The following EDNRB variants were observed in gnomAD, a reference collection of about 807,000 sequenced individuals.
EDNRB encodes endothelin receptor type B.
A neutral mutation model predicts 46.4 loss-of-function variants in EDNRB; 18 were observed. The observed-to-expected ratio is 0.39, with a 90% CI of 0.27 to 0.57. EDNRB has a LOEUF of 0.57. Among genes scored for constraint, EDNRB ranks in the 20% least tolerant of loss-of-function variants. EDNRB has a pLI of 0.61. For synonymous variants in EDNRB, 213 were observed against 204.9 expected (o/e 1.04, Z -0.34); for missense variants, 434 against 537.5 (o/e 0.81, Z 1.90).
intron 1 of EDNRB, among the ~76,000 whole-genome samples, chr13:77,931,769 A>C (rs969464608): frequency 2.8e-5 from 4 of 142,622 alleles, no homozygotes; most frequent in South Asian, 2.3e-4. Flanking sequence ...AACAAAAAAA[A>C]AAAAACAAAA....
chr13:77,944,117 T>G (rs762661110), intron 1 of EDNRB, among the ~76,000 whole-genome samples: 8 of 152,088 alleles, frequency 5.3e-5, no homozygotes, highest in Non-Finnish European at 1.2e-4. Flanking sequence ...CATTAAAATC[T>G]CAAACTCCAT....
chr13:77,968,680 C>A (rs1881645553), intron 1 of EDNRB, among the ~76,000 whole-genome samples: 2 of 151,892 alleles, frequency 1.3e-5, no homozygotes, highest in African/African-American at 4.8e-5. Context: ...GGGTAGGTAA[C>A]AACATGTTCT....
At position 77,918,676 on chromosome 13, in the gene EDNRB, C is replaced by A; in HGVS notation, c.-103G>T. 6.9e-7 allele frequency: 1 copy of A among 1,447,946 alleles called. No homozygotes were observed. The highest frequency in any genetic ancestry group is 1.5e-5 in the South Asian group (1 of 67,266). The allele number at this position is 1,447,946 out of a possible 1,614,324, so 89.7% of individuals were successfully genotyped here. On this transcript the variant is annotated 5_prime_UTR_variant, in exon 1 of 7. Transcript: ENST00000646607. This position sits in a 1 kb window ranked among gnomAD's most constrained non-coding sequence, Gnocchi z 4.5. ...AGGACACTTGGGTCAGCTGCCCGAG[C>A]CAAGTCGCTGCAAACGCTAATACCG...
intron 1 of EDNRB, among the ~76,000 whole-genome samples, chr13:77,934,854 C>T (rs945942565): frequency 6.6e-6 from 1 of 151,966 alleles, no homozygotes; most frequent in Non-Finnish European, 1.5e-5. Flanking sequence ...GGTGATTATG[C>T]CTGGTGGAAC....
intron 1 of EDNRB, among the ~76,000 whole-genome samples, chr13:77,934,681 G>GC (rs1880505511): frequency 2.9e-5 from 1 of 33,932 alleles, no homozygotes; most frequent in East Asian, 1.3e-3. Context: ...TGTAGGAAAG[G>GC]GGGGGGGGGG....
At chr13:77,919,761 G>A, upstream of EDNRB, 2 of 737,566 alleles carry the variant, frequency 2.7e-6, no homozygotes, top group South Asian at 1.9e-5. Context: ...GGTCCCAAAA[G>A]GCTGTTTATT....
At chr13:77,937,908 T>G (rs951090385) in intron 1 of EDNRB, among the ~76,000 whole-genome samples, 1 of 152,168 alleles carries the variant, frequency 6.6e-6, no homozygotes. Flanking sequence ...GGGACTGTTG[T>G]GTAAAAGAAT....
chr13:77,933,566 C>T (rs1053369803), intron 1 of EDNRB, among the ~76,000 whole-genome samples: 4 of 152,064 alleles, frequency 2.6e-5, no homozygotes, highest in Non-Finnish European at 5.9e-5. Context: ...CAGGAACTGG[C>T]CATCTGGATG....
At chr13:77,919,661 G>A, upstream of EDNRB, 1 of 1,528,156 alleles carries the variant, frequency 6.5e-7, no homozygotes, top group South Asian at 1.2e-5. Context: ...CGCGCCTTCC[G>A]ACCCCGCTGC....
At chr13:77,906,213 G>A (rs1405925312) in intron 1 of EDNRB, among the ~76,000 whole-genome samples, 1 of 151,728 alleles carries the variant, frequency 6.6e-6, no homozygotes, top group East Asian at 1.9e-4. Context: ...TTACTGAAAT[G>A]GGGGAGACTC....
At chr13:77,904,653 T>C (rs1348436353) in intron 1 of EDNRB, among the ~76,000 whole-genome samples, 1 of 151,320 alleles carries the variant, frequency 6.6e-6, no homozygotes. Flanking sequence ...TATTTCTCTT[T>C]ATCTGACTGC....
chr13:77,906,486 G>A (rs924517900), intron 1 of EDNRB, among the ~76,000 whole-genome samples: 9 of 151,996 alleles, frequency 5.9e-5, no homozygotes, highest in African/African-American at 2.2e-4. Flanking sequence ...GATGATGTGT[G>A]ATGTCTGACA....
At chr13:77,955,917 G>A (rs1881226198) in intron 1 of EDNRB, among the ~76,000 whole-genome samples, 2 of 150,166 alleles carry the variant, frequency 1.3e-5, no homozygotes, top group South Asian at 4.2e-4. Flanking sequence ...GTACCATACT[G>A]TTTTAATCAC....
At chr13:77,909,892 C>A (rs1030157958) in intron 1 of EDNRB, among the ~76,000 whole-genome samples, 3 of 151,924 alleles carry the variant, frequency 2.0e-5, no homozygotes, top group Non-Finnish European at 2.9e-5. Context: ...GTCTTCTTGG[C>A]ACATAGAGTC....
At chr13:77,932,495 T>C (rs1880434945) in intron 1 of EDNRB, among the ~76,000 whole-genome samples, 2 of 152,196 alleles carry the variant, frequency 1.3e-5, no homozygotes, top group African/African-American at 4.8e-5. Flanking sequence ...CCCTGTGAAA[T>C]AGGTATTATT....
upstream of EDNRB, among the ~76,000 whole-genome samples, chr13:77,924,684 T>C (rs538474142): frequency 8.5e-5 from 13 of 152,340 alleles, no homozygotes; most frequent in African/African-American, 1.2e-4. Context: ...AAGAATGATA[T>C]GGTTTGGTTC....
intron 1 of EDNRB, among the ~76,000 whole-genome samples, chr13:77,938,094 G>A (rs1594385607): frequency 6.6e-6 from 1 of 152,158 alleles, no homozygotes. Context: ...TAGGTCAGGT[G>A]TGAGTTGAAG....
intron 1 of EDNRB, among the ~76,000 whole-genome samples, chr13:77,911,627 G>A (rs1412807760): frequency 1.3e-5 from 2 of 151,876 alleles, no homozygotes; most frequent in Non-Finnish European, 2.9e-5. Context: ...TCTGATTCAA[G>A]AATGATCCTC....
chr13:77,923,765 T>C (rs938132977), upstream of EDNRB, among the ~76,000 whole-genome samples: 1 of 148,246 alleles, frequency 6.7e-6, no homozygotes, highest in Non-Finnish European at 1.5e-5. Context: ...TACTGGTAAA[T>C]AAAAGAGAGG....
Sources: gnomAD v4.1 joint callset for allele counts (sites outside exome capture counted in the v4.1 genomes callset) on GRCh38, gnomAD v4.1.1 for gene constraint, Gnocchi (gnomAD v3.1) non-coding constraint, MANE v1.5 for transcripts, NCBI Gene and HGNC (gene_info 2026-07-23, HGNC 2026-07-21) for gene names.